RHOBTB1: variants seen among roughly 807,000 people sequenced by gnomAD.
RHOBTB1 encodes the protein rho-related BTB domain-containing protein 1.
Under a neutral mutation model 71.6 loss-of-function variants are expected in RHOBTB1, and 40 were observed. The observed-to-expected ratio is 0.56, with a 90% CI of 0.43 to 0.73. The LOEUF (loss-of-function observed/expected upper bound fraction) is 0.73. Among genes scored for constraint, RHOBTB1 ranks in the 30% least tolerant of loss-of-function variants. The probability of loss-of-function intolerance (pLI) is 0.00; values close to 1 mark genes in which losing one functional copy is unlikely to be tolerated. For missense variants in RHOBTB1, 797 were observed against 894.0 expected, an observed-to-expected ratio of 0.89 and a Z score of 1.38; for synonymous variants, 319 against 334.9, an observed-to-expected ratio of 0.95 and a Z score of 0.52.
chr10:60,980,496 G>A (rs570103360), intron 2 of RHOBTB1, among the ~76,000 whole-genome samples: 1 of 152,224 alleles, frequency 6.6e-6, no homozygotes, highest in African/African-American at 2.4e-5. Context: ...ACATTGAGAT[G>A]CTCTTCTCAG....
intron 6 of RHOBTB1, among the ~76,000 whole-genome samples, chr10:60,887,181 G>C (rs2081628860): frequency 6.6e-6 from 1 of 151,692 alleles, no homozygotes; most frequent in African/African-American, 2.4e-5. Flanking sequence ...AAAGCTCACT[G>C]TTTAAGTTAC....
At chr10:61,001,709 C>T (rs2087285237), upstream of RHOBTB1, among the ~76,000 whole-genome samples, 1 of 152,056 alleles carries the variant, frequency 6.6e-6, no homozygotes, top group East Asian at 1.9e-4. Flanking sequence ...TGGGCCGCCT[C>T]CCCCCGCCCC....
chr10:60,973,599 A>C (rs1169537976), intron 2 of RHOBTB1, among the ~76,000 whole-genome samples: 1 of 152,086 alleles, frequency 6.6e-6, no homozygotes, highest in Non-Finnish European at 1.5e-5. Context: ...AACAACTGAG[A>C]TAATGCCATC....
chr10:60,873,272 T>C (rs967307794), intron 9 of RHOBTB1, among the ~76,000 whole-genome samples: 8 of 152,222 alleles, frequency 5.3e-5, no homozygotes, highest in African/African-American at 1.7e-4. Context: ...TTGTGTGCAT[T>C]TCTTCCCTAC....
At chr10:60,984,977 T>C (rs1192032009) in intron 2 of RHOBTB1, among the ~76,000 whole-genome samples, 1 of 152,202 alleles carries the variant, frequency 6.6e-6, no homozygotes, top group Non-Finnish European at 1.5e-5. Flanking sequence ...TACTTTATTA[T>C]GATTTGTTGA....
intron 7 of RHOBTB1, among the ~76,000 whole-genome samples, chr10:60,880,202 T>TGTGAGAGA (rs1418979791): frequency 2.4e-5 from 3 of 127,010 alleles, no homozygotes; most frequent in Non-Finnish European, 5.0e-5. Context: ...TGTGTGTGTG[T>TGTGAGAGA]GAGAGAGAGA....
At chr10:60,891,913 T>C (rs1352920401) in intron 5 of RHOBTB1, among the ~76,000 whole-genome samples, 2 of 152,126 alleles carry the variant, frequency 1.3e-5, no homozygotes, top group African/African-American at 2.4e-5. Context: ...CCCCATGCTA[T>C]TCTCATAATA....
At chr10:60,907,770 G>T (rs900598918) in intron 4 of RHOBTB1, among the ~76,000 whole-genome samples, 24 of 152,132 alleles carry the variant, frequency 1.6e-4, no homozygotes, top group African/African-American at 5.8e-4. Context: ...TAGAAATCCA[G>T]CTCACCAATG....
At chr10:60,875,955 C>T (rs532926475) in intron 8 of RHOBTB1, among the ~76,000 whole-genome samples, 10 of 152,300 alleles carry the variant, frequency 6.6e-5, no homozygotes, top group African/African-American at 2.2e-4. Context: ...TGCATTTGTT[C>T]TTCTAATCCA....
At chr10:60,953,643 TACAGTA>T (rs1374279155) in intron 2 of RHOBTB1, among the ~76,000 whole-genome samples, 2 of 152,190 alleles carry the variant, frequency 1.3e-5, no homozygotes, top group Non-Finnish European at 2.9e-5. Flanking sequence ...ACACTGTAAT[TACAGTA>T]TACAGTATAC....
In RHOBTB1 at chr10:60,942,859, A is replaced by ATTT. The variant is rs11414207; in HGVS notation, c.-61-1008_-61-1006dup. Among the ~76,000 whole-genome samples, 829 of 148,370 alleles carry ATTT rather than the reference A, an allele frequency of 5.6e-3. 6 individuals are homozygous for ATTT. The highest frequency in any genetic ancestry group is 0.02 in the African/African-American group (801 of 40,376). On this transcript the variant is annotated intron_variant, in intron 1 of 10. Transcript: ENST00000337910. ...CAAAGATGAAACCACCGATAACGGT[A>ATTT]TTTTTTTTTTTTTCTGTTTAGAGTA...
intron 1 of RHOBTB1, among the ~76,000 whole-genome samples, chr10:60,995,534 G>A (rs904208275): frequency 5.9e-5 from 9 of 152,068 alleles, no homozygotes; most frequent in Admixed American, 1.3e-4. Context: ...ACATTCACAC[G>A]CTGATTAATT....
intron 2 of RHOBTB1, among the ~76,000 whole-genome samples, chr10:60,977,114 A>G (rs2134749247): frequency 6.6e-6 from 1 of 152,206 alleles, no homozygotes; most frequent in African/African-American, 2.4e-5. Flanking sequence ...TCTGACTTAG[A>G]ATAAAATGAC....
chr10:60,894,123 C>T (rs1003568942), intron 4 of RHOBTB1, among the ~76,000 whole-genome samples: 2 of 151,832 alleles, frequency 1.3e-5, no homozygotes, highest in East Asian at 1.9e-4. Context: ...TAATGAGCTT[C>T]CCCCCCTACA....
At chr10:60,982,928 AGGGAAAGGC>A (rs2086549792) in intron 2 of RHOBTB1, among the ~76,000 whole-genome samples, 1 of 152,056 alleles carries the variant, frequency 6.6e-6, no homozygotes, top group African/African-American at 2.4e-5. Flanking sequence ...GAGCAGTGGG[AGGGAAAGGC>A]GGTGCACATG....
intron 2 of RHOBTB1, among the ~76,000 whole-genome samples, chr10:60,928,921 C>T (rs1283041931): frequency 6.6e-6 from 1 of 152,150 alleles, no homozygotes; most frequent in African/African-American, 2.4e-5. Context: ...CACAGTTCTA[C>T]AGGCAGTACA....
rs754778342 is a variant in RHOBTB1, at chr10:60,889,154, C to T, written c.514G>A (p.Glu172Lys). 1 of 1,612,640 alleles carries T rather than the reference C, an allele frequency of 6.2e-7. No homozygotes were observed. The highest frequency in any genetic ancestry group is 1.1e-5 in the South Asian group (1 of 90,698). The change falls in exon 6 of 11, where the codon GAA becomes AAA. Residue 172 changes from glutamate to lysine, a missense_variant. Physicochemically the swap from Glu to Lys is moderately conservative, Grantham distance 56. Transcript: ENST00000337910. ...TCCTTTGCTACCTCTCGGCCTTTTT[C>T]TGGGGGCAAAATATCCCCTCTCTTT... Reference protein sequence around the residue: ...PIKRGDILPPEKGREVAKELG... With the variant: ...PIKRGDILPPKKGREVAKELG...
chr10:60,888,074 T>C, intron 6 of RHOBTB1, 138 bp downstream of exon 6: 3 of 983,646 alleles, frequency 3.0e-6, no homozygotes, highest in Non-Finnish European at 4.4e-6. Flanking sequence ...TTAATGCCTG[T>C]AGCTTAGAAA....
intron 2 of RHOBTB1, among the ~76,000 whole-genome samples, chr10:60,964,084 C>T (rs560944348): frequency 3.9e-5 from 6 of 152,202 alleles, no homozygotes; most frequent in African/African-American, 1.4e-4. Context: ...TTAAGGCAGG[C>T]AATACATGCA....
Sources: gnomAD v4.1 joint callset for allele counts (sites outside exome capture counted in the v4.1 genomes callset) on GRCh38, gnomAD v4.1.1 for gene constraint, MANE v1.5 for transcripts, NCBI Gene and HGNC (gene_info 2026-07-23, HGNC 2026-07-21) for gene names.